Variants in FOXN3 observed in about 807,000 individuals in gnomAD.
FOXN3 encodes forkhead box protein N3.
In FOXN3, 7 loss-of-function variants were observed where a neutral mutation model predicts 38.4. That is an observed-to-expected ratio of 0.18 (90% CI 0.10 to 0.34). The LOEUF is 0.34. Among genes scored for constraint, FOXN3 ranks in the 10% least tolerant of loss-of-function variants. FOXN3 has a pLI of 1.00. For missense variants in FOXN3, 456 were observed against 613.4 expected, an observed-to-expected ratio of 0.74 and a Z score of 2.71; for synonymous variants, 230 against 242.2, an observed-to-expected ratio of 0.95 and a Z score of 0.47.
intron 3 of FOXN3, among the ~76,000 whole-genome samples, chr14:89,285,297 G>A (rs1470657369): frequency 6.6e-6 from 1 of 152,188 alleles, no homozygotes; most frequent in Non-Finnish European, 1.5e-5. Flanking sequence ...AAGGTGGGCA[G>A]ATCACAAGGT....
At chr14:89,313,009 A>G (rs1240373131) in intron 3 of FOXN3, among the ~76,000 whole-genome samples, 4 of 152,230 alleles carry the variant, frequency 2.6e-5, no homozygotes, top group Non-Finnish European at 5.9e-5. Context: ...TGTCCCAAAG[A>G]GGACAACTCT....
chr14:89,409,103 C>T (rs1891465828), intron 2 of FOXN3, among the ~76,000 whole-genome samples: 1 of 152,238 alleles, frequency 6.6e-6, no homozygotes, highest in Admixed American at 6.5e-5. Flanking sequence ...AAAACTCACA[C>T]CTCTTGCTTT....
chr14:89,405,198 G>A (rs563429064), intron 2 of FOXN3, among the ~76,000 whole-genome samples: 49 of 152,150 alleles, frequency 3.2e-4, no homozygotes, highest in South Asian at 2.5e-3. Flanking sequence ...GTGTAGTGGC[G>A]TGATCTTCAC....
intron 4 of FOXN3, among the ~76,000 whole-genome samples, chr14:89,216,141 G>A (rs1184482810): frequency 6.6e-6 from 1 of 152,158 alleles, no homozygotes; most frequent in Non-Finnish European, 1.5e-5. Flanking sequence ...TGGTTAACAG[G>A]CACTTACAGA....
At chr14:89,378,373 T>C (rs1890545799) in intron 2 of FOXN3, among the ~76,000 whole-genome samples, 3 of 152,320 alleles carry the variant, frequency 2.0e-5, no homozygotes, top group South Asian at 4.1e-4. Context: ...CCCACAGGAC[T>C]CCTTCTCTCA....
At chr14:89,363,960 A>ATATATATATATATAT (rs1555421697) in intron 2 of FOXN3, among the ~76,000 whole-genome samples, 186 of 11,260 alleles carry the variant, frequency 0.017, 5 homozygotes, top group Middle Eastern at 0.05. Flanking sequence ...ATATATATAT[A>ATATATATATATATAT]TATATATATA....
intron 2 of FOXN3, among the ~76,000 whole-genome samples, chr14:89,410,747 C>T (rs1016867039): frequency 1.3e-5 from 2 of 151,996 alleles, no homozygotes; most frequent in African/African-American, 4.8e-5. Context: ...GTGGCACACA[C>T]CTGTGCTCCC....
chr14:89,223,843 T>G (rs1291656182), intron 4 of FOXN3, among the ~76,000 whole-genome samples: 1 of 151,756 alleles, frequency 6.6e-6, no homozygotes, highest in Admixed American at 6.6e-5. Flanking sequence ...GAGAAATGCT[T>G]AAGGAAATCA....
chr14:89,606,426 A>G (rs572336886), intron 1 of FOXN3, among the ~76,000 whole-genome samples: 5 of 152,338 alleles, frequency 3.3e-5, no homozygotes, highest in Non-Finnish European at 7.3e-5. Context: ...AAATTTGATA[A>G]GATCAAGGTT....
chr14:89,180,580 C>G, intron 5 of FOXN3, 121 bp downstream of exon 5: 1 of 604,408 alleles, frequency 1.7e-6, no homozygotes, highest in Non-Finnish European at 2.7e-6. Context: ...GCACGCAAAC[C>G]AGGTTTATTG....
At chr14:89,297,873 T>G (rs1245935592) in intron 3 of FOXN3, among the ~76,000 whole-genome samples, 3 of 152,130 alleles carry the variant, frequency 2.0e-5, no homozygotes, top group African/African-American at 7.2e-5. Context: ...TAGTCCCAGC[T>G]ACTTGGGAAC....
intron 4 of FOXN3, among the ~76,000 whole-genome samples, chr14:89,212,030 T>A (rs1884110721): frequency 6.6e-6 from 1 of 151,944 alleles, no homozygotes. Context: ...TCCTCTTCCC[T>A]CTCCACACAA....
At chr14:89,404,108 T>A (rs1168748239) in intron 2 of FOXN3, among the ~76,000 whole-genome samples, 1 of 152,072 alleles carries the variant, frequency 6.6e-6, no homozygotes, top group Non-Finnish European at 1.5e-5. Context: ...AATGAATGAA[T>A]GAGCAGACAA....
intron 1 of FOXN3, among the ~76,000 whole-genome samples, chr14:89,460,518 T>A (rs1364761290): frequency 6.6e-6 from 1 of 152,158 alleles, no homozygotes; most frequent in African/African-American, 2.4e-5. Context: ...TTCCTCTCAC[T>A]CTGCCGGGGA....
chr14:89,330,503 G>GGAGCAT (rs1466191593), intron 3 of FOXN3, among the ~76,000 whole-genome samples: 1 of 152,226 alleles, frequency 6.6e-6, no homozygotes, highest in African/African-American at 2.4e-5. Context: ...CTTGTGGGTA[G>GGAGCAT]GAGCATGTCG....
chr14:89,205,835 G>A (rs1336475706), intron 4 of FOXN3, among the ~76,000 whole-genome samples: 3 of 152,204 alleles, frequency 2.0e-5, no homozygotes, highest in East Asian at 3.9e-4. Flanking sequence ...CGCTCCCCAC[G>A]ACCTTCCCGT....
intron 1 of FOXN3, among the ~76,000 whole-genome samples, chr14:89,468,695 C>A (rs1893034050): frequency 6.6e-6 from 1 of 152,140 alleles, no homozygotes. Context: ...CCCTCCCTAT[C>A]CTCCTATTTA....
At chr14:89,382,227 ACCAAGTGTACACCTTGCTG>A (rs1890667506) in intron 2 of FOXN3, among the ~76,000 whole-genome samples, 1 of 152,102 alleles carries the variant, frequency 6.6e-6, no homozygotes, top group Admixed American at 6.5e-5. Flanking sequence ...GTCTGGTGTC[ACCAAGTGTACACCTTGCTG>A]CCAACCTAAT....
chr14:89,385,499 TAAAAAAAAAA>T (rs10681650), intron 2 of FOXN3, among the ~76,000 whole-genome samples: 3 of 108,836 alleles, frequency 2.8e-5, no homozygotes, highest in South Asian at 3.8e-4. Flanking sequence ...GGCAAACATT[TAAAAAAAAAA>T]AAAAAAAAAA....
Sources: gnomAD v4.1 joint callset for allele counts (sites outside exome capture counted in the v4.1 genomes callset) on GRCh38, gnomAD v4.1.1 for gene constraint, MANE v1.5 for transcripts, NCBI Gene and HGNC (gene_info 2026-07-23, HGNC 2026-07-21) for gene names.